MACROD2: variants seen among roughly 807,000 people sequenced by gnomAD.
The protein encoded by MACROD2 is mono-ADP ribosylhydrolase 2.
Under a neutral mutation model 70.4 loss-of-function variants are expected in MACROD2, and 36 were observed. That is an observed-to-expected ratio of 0.51 (90% CI 0.39 to 0.68). The LOEUF (loss-of-function observed/expected upper bound fraction) is 0.68. Ranked by LOEUF, MACROD2 falls within the 30% of genes least tolerant of loss-of-function variation. The pLI is 0.00. For missense variants in MACROD2, 496 were observed against 538.4 expected (o/e 0.92, Z 0.78); for synonymous variants, 172 against 178.8 (o/e 0.96, Z 0.30).
chr20:14,947,117 A>T (rs1416570198), intron 5 of MACROD2, among the ~76,000 whole-genome samples: 5 of 152,214 alleles, frequency 3.3e-5, no homozygotes, highest in Admixed American at 3.3e-4. Context: ...AGAATACGGC[A>T]TATCTTAGAG....
intron 12 of MACROD2, among the ~76,000 whole-genome samples, chr20:15,938,418 A>G (rs2065699471): frequency 6.6e-6 from 1 of 152,212 alleles, no homozygotes; most frequent in Non-Finnish European, 1.5e-5. Flanking sequence ...TAATTCTCAC[A>G]ATATTTCAAA....
At chr20:15,738,354 G>A (rs552842729) in intron 8 of MACROD2, among the ~76,000 whole-genome samples, 3 of 152,288 alleles carry the variant, frequency 2.0e-5, no homozygotes, top group African/African-American at 7.2e-5. Context: ...CAGAAGTAAA[G>A]ATTAGAGAAT....
chr20:15,700,260 C>T (rs554166371), intron 8 of MACROD2, among the ~76,000 whole-genome samples: 16 of 152,296 alleles, frequency 1.1e-4, no homozygotes, highest in African/African-American at 3.8e-4. Context: ...TCTTGCCTCC[C>T]GTCTGACATG....
chr20:14,745,473 C>G (rs951468716), intron 5 of MACROD2, among the ~76,000 whole-genome samples: 4 of 152,078 alleles, frequency 2.6e-5, no homozygotes, highest in African/African-American at 9.7e-5. Flanking sequence ...AGAACATTTC[C>G]CTAGGCATTC....
chr20:14,620,316 G>A (rs1319080279), intron 4 of MACROD2, among the ~76,000 whole-genome samples: 1 of 151,916 alleles, frequency 6.6e-6, no homozygotes, highest in Non-Finnish European at 1.5e-5. Context: ...ATGAAGACAA[G>A]GTGGAGTAGA....
At position 14,385,886 on chromosome 20, in the gene MACROD2, G is replaced by A. The variant is rs574308752; in HGVS notation, c.272-107593G>A. On this transcript the variant is annotated intron_variant, in intron 3 of 17. Coordinates refer to ENST00000684519, the MANE Select transcript of MACROD2 (RefSeq NM_001351661.2). Reference sequence around the variant, plus strand: ...CATATTACAAATGACTTGTAAAGGTGTGTGGATCTTCCAATAATGATTGTA... The same window carrying A: ...CATATTACAAATGACTTGTAAAGGTATGTGGATCTTCCAATAATGATTGTA... Among the ~76,000 whole-genome samples the A allele has an allele frequency of 2.0e-5, 3 of 152,284 alleles. No individual in the cohort carries two copies. In the East Asian group the frequency reaches 5.8e-4, roughly 29 times the overall value.
At chr20:14,473,176 A>G (rs544446528) in intron 3 of MACROD2, among the ~76,000 whole-genome samples, 34 of 152,250 alleles carry the variant, frequency 2.2e-4, no homozygotes, top group African/African-American at 7.2e-4. Context: ...TATTCTAGCT[A>G]CTTTGAAGTA....
intron 7 of MACROD2, among the ~76,000 whole-genome samples, chr20:15,499,060 ACT>A (rs1801427466): frequency 1.3e-5 from 2 of 152,016 alleles, no homozygotes; most frequent in African/African-American, 4.8e-5. Context: ...ATGTTTGATG[ACT>A]CTGCAGGTCC....
intron 6 of MACROD2, among the ~76,000 whole-genome samples, chr20:15,236,184 CTT>C (rs1332820295): frequency 6.6e-6 from 1 of 152,204 alleles, no homozygotes; most frequent in African/African-American, 2.4e-5. Flanking sequence ...TAACTCAAGA[CTT>C]TTCCTTTCTT....
chr20:14,561,420 C>T (rs1979423438), intron 4 of MACROD2, among the ~76,000 whole-genome samples: 1 of 151,700 alleles, frequency 6.6e-6, no homozygotes, highest in Admixed American at 6.6e-5. Context: ...TTGTGAAATA[C>T]CTTTTTGTAT....
At chr20:14,293,815 T>G (rs1326633634) in intron 3 of MACROD2, among the ~76,000 whole-genome samples, 1 of 151,884 alleles carries the variant, frequency 6.6e-6, no homozygotes, top group Non-Finnish European at 1.5e-5. Context: ...CCAAAGTGCA[T>G]TATAGAGTGT....
chr20:15,753,324 G>A (rs1323620816), intron 8 of MACROD2, among the ~76,000 whole-genome samples: 1 of 152,108 alleles, frequency 6.6e-6, no homozygotes, highest in Non-Finnish European at 1.5e-5. Flanking sequence ...ATGTCCATGA[G>A]TACCCAATAT....
At chr20:15,721,835 C>A (rs78869662) in intron 8 of MACROD2, among the ~76,000 whole-genome samples, 1 of 152,040 alleles carries the variant, frequency 6.6e-6, no homozygotes, top group African/African-American at 2.4e-5. Context: ...ATCATCCTTG[C>A]CAACAATAAT....
At chr20:15,627,394 G>GA (rs1438414545) in intron 8 of MACROD2, among the ~76,000 whole-genome samples, 1 of 152,166 alleles carries the variant, frequency 6.6e-6, no homozygotes, top group Non-Finnish European at 1.5e-5. Context: ...TTGCGGTAAA[G>GA]AAAGAGTTTA....
chr20:14,482,265 T>C (rs1033814315), intron 3 of MACROD2, among the ~76,000 whole-genome samples: 4 of 151,294 alleles, frequency 2.6e-5, no homozygotes, highest in African/African-American at 9.7e-5. Flanking sequence ...TGTGTCCAGA[T>C]TGGAAAAAGA....
Position 14,387,384 on chromosome 20 carries a change from A to G in MACROD2, c.272-106095A>G, listed in dbSNP as rs1042880838. 3.9e-5 allele frequency among the ~76,000 whole-genome samples: 6 copies of G among 152,090 alleles called. 1 individual carries two copies. The highest frequency in any genetic ancestry group is 1.3e-4 in the Admixed American group (2 of 15,276). ...TTTTTCTATTTTTTTTCAAAACTATATTCTTTGTCATGTGTGGTCACTAAA... is the reference window on the plus strand; with the variant it reads ...TTTTTCTATTTTTTTTCAAAACTATGTTCTTTGTCATGTGTGGTCACTAAA... On this transcript the variant is annotated intron_variant, in intron 3 of 17. Transcript: ENST00000684519.
intron 15 of MACROD2, among the ~76,000 whole-genome samples, chr20:16,021,118 A>G (rs1234508900): frequency 6.6e-6 from 1 of 152,202 alleles, no homozygotes; most frequent in Non-Finnish European, 1.5e-5. Context: ...TGATAAACTC[A>G]GGGATATTCA....
chr20:15,735,212 C>T (rs920582159), intron 8 of MACROD2, among the ~76,000 whole-genome samples: 6 of 152,166 alleles, frequency 3.9e-5, no homozygotes, highest in South Asian at 4.1e-4. Context: ...CTGCTTGCCT[C>T]GGCCTCCCAA....
At chr20:15,402,614 A>C (rs1393914054) in intron 6 of MACROD2, among the ~76,000 whole-genome samples, 2 of 152,218 alleles carry the variant, frequency 1.3e-5, no homozygotes, top group Non-Finnish European at 2.9e-5. Context: ...CGCCATGAGA[A>C]AGGAAGCCCA....
Sources: allele counts gnomAD v4.1 joint callset (sites outside exome capture counted in the v4.1 genomes callset), GRCh38; gene constraint gnomAD v4.1.1; transcripts MANE v1.5; gene names NCBI Gene and HGNC (gene_info 2026-07-23, HGNC 2026-07-21).